The following ADRA1A variants were observed in gnomAD, a reference collection of about 807,000 sequenced individuals.
The protein encoded by ADRA1A is alpha-1A adrenergic receptor.
Under a neutral mutation model 29.6 loss-of-function variants are expected in ADRA1A, and 31 were observed. The ratio of observed to expected loss-of-function variants is 1.05; its 90% CI spans 0.79 to 1.41. The LOEUF is 1.41. Ranked by LOEUF, ADRA1A falls within the 40% of genes most tolerant of loss-of-function variation. The pLI is 0.00. For missense variants in ADRA1A, 619 were observed against 601.1 expected, an observed-to-expected ratio of 1.03 and a Z score of -0.31; for synonymous variants, 311 against 254.3, an observed-to-expected ratio of 1.22 and a Z score of -2.12.
intron 2 of ADRA1A, among the ~76,000 whole-genome samples, chr8:26,773,511 ATGTC>A (rs1806327845): frequency 6.6e-6 from 1 of 152,168 alleles, no homozygotes; most frequent in Non-Finnish European, 1.5e-5. Context: ...GACTACAAGA[ATGTC>A]TGAGCTGAGC....
intron 2 of ADRA1A, among the ~76,000 whole-genome samples, chr8:26,801,085 T>A (rs1045737355): frequency 1.3e-5 from 2 of 152,156 alleles, no homozygotes; most frequent in African/African-American, 4.8e-5. Context: ...CATCGCTTCA[T>A]GATAAAAAGC....
At chr8:26,779,512 C>G (rs900299174) in intron 2 of ADRA1A, 17 of 618,434 alleles carry the variant, frequency 2.7e-5, no homozygotes, top group Non-Finnish European at 4.9e-5. Flanking sequence ...CAAATGGAAA[C>G]AGTCAAAAGG....
chr8:26,757,525 A>G (rs926932535), intron 2 of ADRA1A, among the ~76,000 whole-genome samples: 1 of 126,030 alleles, frequency 7.9e-6, no homozygotes, highest in Admixed American at 8.0e-5. Context: ...CCCACCCCCC[A>G]CCTCTGCTCC....
chr8:26,756,561 C>T (rs1182992383), exon 3 of ADRA1A: 1 of 1,546,998 alleles, frequency 6.5e-7, no homozygotes, highest in Admixed American at 2.0e-5. Flanking sequence ...ACTGTTTTTC[C>T]TGTATCAGTA....
At chr8:26,808,039 T>C (rs1057496084) in intron 2 of ADRA1A, among the ~76,000 whole-genome samples, 1 of 152,226 alleles carries the variant, frequency 6.6e-6, no homozygotes, top group Non-Finnish European at 1.5e-5. Flanking sequence ...TTTACGTGGC[T>C]CAAAAATGAG....
chr8:26,772,553 A>G (rs1806250478), intron 2 of ADRA1A, among the ~76,000 whole-genome samples: 1 of 152,184 alleles, frequency 6.6e-6, no homozygotes. Context: ...AGTATGTTGA[A>G]TGGATGATTC....
At chr8:26,839,474 C>T (rs997145486) in intron 2 of ADRA1A, among the ~76,000 whole-genome samples, 1 of 151,984 alleles carries the variant, frequency 6.6e-6, no homozygotes, top group Non-Finnish European at 1.5e-5. Context: ...AGTTTTTTGA[C>T]TTCCTAAACT....
intron 2 of ADRA1A, chr8:26,779,037 C>T: frequency 3.7e-6 from 1 of 268,290 alleles, no homozygotes; most frequent in Non-Finnish European, 6.9e-6. Flanking sequence ...AATCTTCAAA[C>T]TCACACCTGC....
intron 2 of ADRA1A, among the ~76,000 whole-genome samples, chr8:26,751,053 G>GT (rs1804902452): frequency 7.1e-6 from 1 of 141,676 alleles, no homozygotes; most frequent in African/African-American, 2.6e-5. Context: ...TGGGCAACAA[G>GT]AGCAAAACTC....
intron 2 of ADRA1A, among the ~76,000 whole-genome samples, chr8:26,861,861 C>T (rs1813497392): frequency 6.6e-6 from 1 of 152,148 alleles, no homozygotes; most frequent in African/African-American, 2.4e-5. Flanking sequence ...CTCTACCTGT[C>T]TCACCTGAGT....
intron 2 of ADRA1A, among the ~76,000 whole-genome samples, chr8:26,776,009 G>A (rs1806521287): frequency 6.6e-6 from 1 of 152,214 alleles, no homozygotes; most frequent in Non-Finnish European, 1.5e-5. Flanking sequence ...ATAGGCTTAT[G>A]AGGGGGCACT....
In ADRA1A at chr8:26,783,234, G is replaced by A. The variant is rs149889339; in HGVS notation, c.884-12568C>T. ...TTATATATGAAAACTTATTAGGCCCGGGAGACTGAAAATTCACTTGGCTGG... is the reference window on the plus strand; with the variant it reads ...TTATATATGAAAACTTATTAGGCCCAGGAGACTGAAAATTCACTTGGCTGG... On this transcript the variant is annotated intron_variant, in intron 2 of 2. Transcript: ENST00000380573. Among the ~76,000 whole-genome samples, 9 of 152,252 alleles carry A rather than the reference G, an allele frequency of 5.9e-5. No homozygotes were observed. The East Asian group carries it at 7.7e-4, about 13-fold the overall frequency.
intron 2 of ADRA1A, among the ~76,000 whole-genome samples, chr8:26,855,804 A>G (rs1813006133): frequency 6.6e-6 from 1 of 152,244 alleles, no homozygotes; most frequent in Non-Finnish European, 1.5e-5. Context: ...AAAAATGAAA[A>G]GCCACTAGGC....
At chr8:26,835,352 T>C (rs982051343) in intron 2 of ADRA1A, among the ~76,000 whole-genome samples, 1 of 152,218 alleles carries the variant, frequency 6.6e-6, no homozygotes, top group East Asian at 1.9e-4. Context: ...CATAGTGTAT[T>C]AGTCTGTTCT....
chr8:26,810,606 G>A (rs1418135169), intron 2 of ADRA1A, among the ~76,000 whole-genome samples: 10 of 152,200 alleles, frequency 6.6e-5, no homozygotes, highest in Admixed American at 5.2e-4. Context: ...GCATGGTCCA[G>A]CTTAAAATAT....
At chr8:26,789,262 G>A (rs1718244429) in intron 2 of ADRA1A, among the ~76,000 whole-genome samples, 1 of 152,148 alleles carries the variant, frequency 6.6e-6, no homozygotes, top group Non-Finnish European at 1.5e-5. Flanking sequence ...TTCAAAATAT[G>A]TTGTGAAGCT....
In ADRA1A at chr8:26,787,931, G is replaced by A. The variant is rs552077131; in HGVS notation, c.884-17265C>T. On this transcript the variant is annotated intron_variant, in intron 2 of 2. Transcript: ENST00000380573. This position sits in a 1 kb window ranked among gnomAD's most constrained non-coding sequence, Gnocchi z 4.2. ...GTCTATTTTTTTTTTTTTAACATTT[G>A]GGGATAATTTCCAAGGTCAGAAACC... Among the ~76,000 whole-genome samples the A allele has an allele frequency of 6.6e-6, 1 of 151,422 alleles. No homozygotes were observed. The highest frequency in any genetic ancestry group is 1.5e-5 in the Non-Finnish European group (1 of 67,842).
rs1813831960 is a variant in ADRA1A, at chr8:26,865,375, G to A, written c.-406C>T. 2 of 1,034,280 alleles carry A rather than the reference G, an allele frequency of 1.9e-6. No individual in the cohort carries two copies. Among genetic ancestry groups the A allele is most frequent in the Non-Finnish European group, 2.3e-6 (2 of 860,736 alleles). The allele number at this position is 1,034,280 out of a possible 1,614,324, so 64.1% of individuals were successfully genotyped here. A position where few individuals can be genotyped will look rare whatever the true frequency, so the allele number is the denominator to read the frequency against. On this transcript the variant is annotated 5_prime_UTR_variant, in exon 2 of 3. Coordinates refer to ENST00000380573, the MANE Select transcript of ADRA1A (RefSeq NM_000680.4). This position sits in a 1 kb window ranked among gnomAD's most constrained non-coding sequence, Gnocchi z 7.6. Reference sequence around the variant, plus strand: ...GTCTTATTCGTCCTGGCTGGGGGAAGATTCAGCATTCTGCACATGATTCGG... The same window carrying A: ...GTCTTATTCGTCCTGGCTGGGGGAAAATTCAGCATTCTGCACATGATTCGG...
At chr8:26,749,570 G>T (rs1300152589) in intron 2 of ADRA1A, among the ~76,000 whole-genome samples, 1 of 152,112 alleles carries the variant, frequency 6.6e-6, no homozygotes, top group Non-Finnish European at 1.5e-5. Flanking sequence ...TTACCTTTAG[G>T]GATTAGGACT....
Sources: gnomAD v4.1 joint callset for allele counts (sites outside exome capture counted in the v4.1 genomes callset) on GRCh38, gnomAD v4.1.1 for gene constraint, Gnocchi (gnomAD v3.1) non-coding constraint, MANE v1.5 for transcripts, NCBI Gene and HGNC (gene_info 2026-07-23, HGNC 2026-07-21) for gene names.